Variants in PIK3AP1 observed in about 807,000 individuals in gnomAD.
PIK3AP1 encodes phosphoinositide 3-kinase adapter protein 1.
In PIK3AP1, 21 loss-of-function variants were observed where a neutral mutation model predicts 88.1. That is an observed-to-expected ratio of 0.24 (90% CI 0.17 to 0.34). PIK3AP1 has a LOEUF of 0.34. Among genes scored for constraint, PIK3AP1 ranks in the 10% least tolerant of loss-of-function variants. The probability of loss-of-function intolerance (pLI) is 1.00; values close to 1 mark genes in which losing one functional copy is unlikely to be tolerated. For synonymous variants in PIK3AP1, 398 were observed against 400.0 expected (o/e 1.00, Z 0.06); for missense variants, 828 against 1,035.7 (o/e 0.80, Z 2.75).
chr10:96,694,098 T>C (rs1278215446), intron 2 of PIK3AP1, among the ~76,000 whole-genome samples: 3 of 152,186 alleles, frequency 2.0e-5, no homozygotes, highest in African/African-American at 7.2e-5. Flanking sequence ...TGTAAGGACC[T>C]ATCAAAGAGG....
At chr10:96,694,417 T>C (rs984293427) in intron 2 of PIK3AP1, among the ~76,000 whole-genome samples, 2 of 152,148 alleles carry the variant, frequency 1.3e-5, no homozygotes, top group African/African-American at 4.8e-5. Context: ...CCCCTCTGGG[T>C]CCTACTTTGT....
intron 8 of PIK3AP1, among the ~76,000 whole-genome samples, chr10:96,640,622 A>T (rs1843371508): frequency 6.6e-6 from 1 of 152,148 alleles, no homozygotes; most frequent in Non-Finnish European, 1.5e-5. Flanking sequence ...CTCTTACATA[A>T]TAAGGTGTGA....
rs996797726 is a variant in PIK3AP1, at chr10:96,665,411, A to G, written c.431-8477T>C. Among the ~76,000 whole-genome samples the G allele has an allele frequency of 9.9e-5, 15 of 152,192 alleles. 1 individual carries two copies. The highest frequency in any genetic ancestry group is 8.5e-4 in the Admixed American group (13 of 15,288). On this transcript the variant is annotated intron_variant, in intron 2 of 16. Coordinates refer to ENST00000339364, the MANE Select transcript of PIK3AP1 (RefSeq NM_152309.3). The stretch of plus-strand genomic sequence containing the variant: ...TTGCTCGGTGACAAATTTGGTTCTT[A>G]GCCTCTTTCACACTCCTGTCCAGGT...
intron 2 of PIK3AP1, among the ~76,000 whole-genome samples, chr10:96,702,988 C>T (rs1178382382): frequency 6.6e-6 from 1 of 152,086 alleles, no homozygotes; most frequent in Non-Finnish European, 1.5e-5. Flanking sequence ...GCAATCTTCC[C>T]ACCTCAGCCT....
chr10:96,614,529 C>T (rs572456246), intron 13 of PIK3AP1, among the ~76,000 whole-genome samples: 14 of 151,928 alleles, frequency 9.2e-5, no homozygotes, highest in Non-Finnish European at 1.5e-4. Context: ...TGACCTTCTG[C>T]GATGGTTAAA....
chr10:96,695,818 A>G (rs1232735144), intron 2 of PIK3AP1, among the ~76,000 whole-genome samples: 4 of 151,794 alleles, frequency 2.6e-5, no homozygotes, highest in Admixed American at 2.6e-4. Context: ...AGGAACTAAC[A>G]ATTCCAATTG....
intron 1 of PIK3AP1, among the ~76,000 whole-genome samples, chr10:96,719,057 C>T (rs550695969): frequency 1.3e-5 from 2 of 152,302 alleles, no homozygotes; most frequent in East Asian, 3.9e-4. Context: ...TCCCATAACA[C>T]ATGTCATACC....
At chr10:96,677,992 C>T (rs970133921) in intron 2 of PIK3AP1, among the ~76,000 whole-genome samples, 10 of 152,248 alleles carry the variant, frequency 6.6e-5, no homozygotes, top group African/African-American at 2.4e-4. Flanking sequence ...CAAAGTCTTG[C>T]TTGCTCTATT....
intron 8 of PIK3AP1, 97 bp downstream of exon 8, chr10:96,645,376 A>G: frequency 8.2e-7 from 1 of 1,216,688 alleles, no homozygotes; most frequent in African/African-American, 1.6e-5. Flanking sequence ...GGGTGAAGTG[A>G]GGGTACATAG....
At chr10:96,711,931 T>A (rs1343715211) in intron 1 of PIK3AP1, among the ~76,000 whole-genome samples, 1 of 151,218 alleles carries the variant, frequency 6.6e-6, no homozygotes, top group African/African-American at 2.4e-5. Context: ...TTTTTTTTTA[T>A]TTTTAGTAGA....
chr10:96,597,814 C>G lies in PIK3AP1; in HGVS notation c.2361-2180G>C, dbSNP rs1848805581. 2.0e-5 allele frequency among the ~76,000 whole-genome samples: 3 copies of G among 152,024 alleles called. 1 individual carries two copies. In the South Asian group the frequency reaches 6.2e-4, roughly 31 times the overall value. On this transcript the variant is annotated intron_variant, in intron 16 of 16. Transcript: ENST00000339364. ...CTGAAATCTGTTCCCCAGGTATGCC[C>G]CATGAGCCTTACATTTTATCTTCTA...
intron 2 of PIK3AP1, among the ~76,000 whole-genome samples, chr10:96,709,357 A>G (rs41317268): frequency 0.16 from 24,266 of 151,892 alleles, 2,312 homozygotes; most frequent in East Asian, 0.36. Flanking sequence ...AGTACAGAAG[A>G]AAAGGGACAG....
chr10:96,631,720 C>T (rs1032881891), intron 8 of PIK3AP1, among the ~76,000 whole-genome samples: 2 of 152,008 alleles, frequency 1.3e-5, no homozygotes, highest in African/African-American at 4.8e-5. Flanking sequence ...CCCATCTCTA[C>T]TAAAATACAA....
At chr10:96,604,649 T>G (rs1368920699) in intron 14 of PIK3AP1, among the ~76,000 whole-genome samples, 1 of 152,172 alleles carries the variant, frequency 6.6e-6, no homozygotes, top group African/African-American at 2.4e-5. Flanking sequence ...TGTTTGATAT[T>G]AGTGCTCCAA....
rs552330236 is a variant in PIK3AP1 at position 96,642,244 on chromosome 10, A to G, written c.1375+3229T>C. Among the ~76,000 whole-genome samples, 8 of 152,150 alleles carry G rather than the reference A, an allele frequency of 5.3e-5. No homozygotes were observed. In the East Asian group the frequency reaches 1.4e-3, roughly 26 times the overall value. ...GTTCAAGACCAGCCTGGGTAACATC[A>G]CAAAATCCCATCTATATGAAAAATA... On this transcript the variant is annotated intron_variant, in intron 8 of 16. Coordinates refer to ENST00000339364, the MANE Select transcript of PIK3AP1 (RefSeq NM_152309.3).
At chr10:96,689,575 CA>C (rs56828361) in intron 2 of PIK3AP1, among the ~76,000 whole-genome samples, 6,286 of 70,278 alleles carry the variant, frequency 0.089, 445 homozygotes, top group African/African-American at 0.29. Context: ...GACTCTGTCT[CA>C]AAAAAAAAAA....
chr10:96,716,718 A>G (rs1328694656), intron 1 of PIK3AP1, among the ~76,000 whole-genome samples: 2 of 152,174 alleles, frequency 1.3e-5, no homozygotes, highest in Non-Finnish European at 2.9e-5. Context: ...CTTATCCTCA[A>G]TCACATCTCT....
At chr10:96,699,582 G>A (rs1288652255) in intron 2 of PIK3AP1, among the ~76,000 whole-genome samples, 1 of 152,174 alleles carries the variant, frequency 6.6e-6, no homozygotes, top group East Asian at 1.9e-4. Flanking sequence ...CATCACAGCA[G>A]TGACTGTCTT....
chr10:96,699,474 A>G (rs1350289626), intron 2 of PIK3AP1, among the ~76,000 whole-genome samples: 1 of 152,192 alleles, frequency 6.6e-6, no homozygotes, highest in African/African-American at 2.4e-5. Context: ...GTTTCTTTTT[A>G]CTTTTTTTAA....
Sources: gnomAD v4.1 joint callset for allele counts (sites outside exome capture counted in the v4.1 genomes callset) on GRCh38, gnomAD v4.1.1 for gene constraint, MANE v1.5 for transcripts, NCBI Gene and HGNC (gene_info 2026-07-23, HGNC 2026-07-21) for gene names.